UBE2G2: variants seen among roughly 807,000 people sequenced by gnomAD.
UBE2G2 encodes ubiquitin-conjugating enzyme E2 G2.
A neutral mutation model predicts 23.0 loss-of-function variants in UBE2G2; 10 were observed. The observed-to-expected ratio is 0.43, with a 90% CI of 0.27 to 0.74. The LOEUF is 0.74. Among genes scored for constraint, UBE2G2 ranks in the 30% least tolerant of loss-of-function variants. The pLI, the probability that UBE2G2 is intolerant of heterozygous loss-of-function variation, is 0.19. For missense variants in UBE2G2, 150 were observed against 218.3 expected (o/e 0.69, Z 1.97); for synonymous variants, 86 against 81.3 (o/e 1.06, Z -0.31).
chr21:44,777,534 G>A lies in UBE2G2; in HGVS notation c.126-117C>T, dbSNP rs117007545. ...TTTAAAAATGCACGTGAGGCCGGGTGCGGTGGCTCACGCCTGTAATCCCAG... is the reference window on the plus strand; with the variant it reads ...TTTAAAAATGCACGTGAGGCCGGGTACGGTGGCTCACGCCTGTAATCCCAG... On this transcript the variant is annotated intron_variant, in intron 3 of 5. Transcript: ENST00000345496. 429 of 1,036,256 alleles carry A rather than the reference G, an allele frequency of 4.1e-4. 2 individuals are homozygous for A. In the East Asian group the frequency reaches 0.011, roughly 26 times the overall value. The allele number at this position is 1,036,256 out of a possible 1,614,324, so 64.2% of individuals were successfully genotyped here.
At chr21:44,773,842 C>G in intron 4 of UBE2G2, 155 bp from the exon 5 acceptor site, 5 of 1,023,106 alleles carry the variant, frequency 4.9e-6, no homozygotes, top group Non-Finnish European at 4.1e-6. Flanking sequence ...CTGAGTGTCA[C>G]GCTTCATGTC....
chr21:44,774,635 C>T (rs1385829867), intron 4 of UBE2G2: 3 of 425,606 alleles, frequency 7.0e-6, no homozygotes, highest in African/African-American at 4.1e-5. Context: ...CAGTGGTGAA[C>T]GTTCAGTGGT....
chr21:44,779,512 C>CG (rs201896469), intron 3 of UBE2G2, among the ~76,000 whole-genome samples: 1 of 152,024 alleles, frequency 6.6e-6, no homozygotes. Context: ...TGAGTACCCC[C>CG]CCCGGCCCAC....
At chr21:44,775,540 C>G (rs1400910002) in intron 4 of UBE2G2, 1 of 152,092 alleles carries the variant, frequency 6.6e-6, no homozygotes, top group African/African-American at 2.4e-5. Context: ...AATCCAATTA[C>G]AGTAAGGCAA....
intron 1 of UBE2G2, among the ~76,000 whole-genome samples, chr21:44,788,966 A>C (rs1432250968): frequency 6.6e-6 from 1 of 152,188 alleles, no homozygotes; most frequent in Non-Finnish European, 1.5e-5. Flanking sequence ...AGCCCAAAAG[A>C]ATCTAAAGAT....
intron 1 of UBE2G2, among the ~76,000 whole-genome samples, chr21:44,790,318 T>C (rs577248941): frequency 9.2e-5 from 14 of 152,342 alleles, no homozygotes; most frequent in Admixed American, 2.0e-4. Context: ...TACATATATA[T>C]TGACTCTAAG....
chr21:44,796,964 T>C (rs1299133272), intron 1 of UBE2G2, among the ~76,000 whole-genome samples: 1 of 152,246 alleles, frequency 6.6e-6, no homozygotes, highest in African/African-American at 2.4e-5. Flanking sequence ...CTGACTGCTT[T>C]TGAGCCTTAT....
chr21:44,778,078 G>A (rs782305690), intron 3 of UBE2G2, among the ~76,000 whole-genome samples: 2 of 152,228 alleles, frequency 1.3e-5, no homozygotes, highest in African/African-American at 2.4e-5. Context: ...AGTTTTTTCT[G>A]CAGATGTGGT....
intron 1 of UBE2G2, among the ~76,000 whole-genome samples, chr21:44,798,643 A>G (rs782571437): frequency 6.6e-6 from 1 of 152,228 alleles, no homozygotes; most frequent in Non-Finnish European, 1.5e-5. Context: ...AAGTTTGATC[A>G]TGAGATTGTA....
chr21:44,777,093 G>A (rs2082918648), intron 4 of UBE2G2: 1 of 493,838 alleles, frequency 2.0e-6, no homozygotes, highest in Non-Finnish European at 3.5e-6. Flanking sequence ...GGTGCCTGTT[G>A]TCTTTTATCT....
rs972368139 is a variant in UBE2G2 at position 44,770,625 on chromosome 21, G to C, written c.*752C>G. ...GCAGACATGGGGTTTCACTGTATTA[G>C]CCAGGATGGTCTCAATTTCCTGACC... On this transcript the variant is annotated 3_prime_UTR_variant, in exon 6 of 6. Coordinates refer to ENST00000345496, the MANE Select transcript of UBE2G2 (RefSeq NM_003343.6). The C allele has an allele frequency of 4.6e-5, 7 of 152,298 alleles. No individual in the cohort carries two copies. Among genetic ancestry groups the C allele is most frequent in the Non-Finnish European group, 8.8e-5 (6 of 68,042 alleles). The allele number at this position is 152,298 out of a possible 1,614,324, so 9.4% of individuals were successfully genotyped here.
intron 1 of UBE2G2, among the ~76,000 whole-genome samples, chr21:44,792,660 AG>A (rs1315336104): frequency 6.6e-6 from 1 of 152,232 alleles, no homozygotes; most frequent in Non-Finnish European, 1.5e-5. Context: ...TGGCAGTATA[AG>A]AACGGACTAA....
intron 3 of UBE2G2, among the ~76,000 whole-genome samples, chr21:44,786,080 C>T (rs1479235202): frequency 1.7e-5 from 1 of 58,138 alleles, no homozygotes; most frequent in Non-Finnish European, 3.1e-5. Flanking sequence ...AGCCAACACC[C>T]CACAAATAAC....
At chr21:44,792,095 A>C (rs1050252170) in intron 1 of UBE2G2, among the ~76,000 whole-genome samples, 2 of 152,306 alleles carry the variant, frequency 1.3e-5, no homozygotes, top group African/African-American at 4.8e-5. Context: ...CAATGCCTGT[A>C]TTTCCATTGT....
intron 3 of UBE2G2, 149 bp from the exon 4 acceptor site, chr21:44,777,566 G>A: frequency 1.4e-6 from 1 of 728,850 alleles, no homozygotes; most frequent in Non-Finnish European, 2.3e-6. Flanking sequence ...CCAGCACTTT[G>A]GAAGGCCGAG....
rs782052551 is a variant in UBE2G2 at position 44,801,770 on chromosome 21, A to AGCGACCTCGCCTCAGCCGC, written c.-41_-23dup. The AGCGACCTCGCCTCAGCCGC allele has an allele frequency of 1.3e-6, 2 of 1,512,648 alleles. No homozygotes were observed. Among genetic ancestry groups the AGCGACCTCGCCTCAGCCGC allele is most frequent in the South Asian group, 1.2e-5 (1 of 80,200 alleles). 93.7% of individuals were successfully genotyped at this position (1,512,648 alleles called of 1,614,324 possible). On this transcript the variant is annotated 5_prime_UTR_variant, in exon 1 of 6. Transcript: ENST00000345496. ...CCATGGCCCCGCAACAGCTGCGCCGAGCGACCTCGCCTCAGCCGCGCGCGT... is the reference window on the plus strand; with the variant it reads ...CCATGGCCCCGCAACAGCTGCGCCGAGCGACCTCGCCTCAGCCGCGCGACCTCGCCTCAGCCGCGCGCGT...
intron 3 of UBE2G2, among the ~76,000 whole-genome samples, chr21:44,782,507 G>C (rs574713297): frequency 6.6e-6 from 1 of 152,280 alleles, no homozygotes; most frequent in Admixed American, 6.5e-5. Context: ...AAAGAACAAA[G>C]TTGGCGGACT....
intron 1 of UBE2G2, among the ~76,000 whole-genome samples, chr21:44,791,097 G>C (rs58663786): frequency 0.013 from 2,008 of 152,294 alleles, 45 homozygotes; most frequent in African/African-American, 0.046. Context: ...CCCTGCCCTA[G>C]AGATCTGTGG....
At chr21:44,787,086 C>G (rs1274744495) in intron 3 of UBE2G2, among the ~76,000 whole-genome samples, 2 of 116,650 alleles carry the variant, frequency 1.7e-5, no homozygotes, top group African/African-American at 6.5e-5. Flanking sequence ...GGGCGAAACT[C>G]CATCTCAAAA....
Sources: allele counts gnomAD v4.1 joint callset (sites outside exome capture counted in the v4.1 genomes callset), GRCh38; gene constraint gnomAD v4.1.1; transcripts MANE v1.5; gene names NCBI Gene and HGNC (gene_info 2026-07-23, HGNC 2026-07-21).